Variants in AGAP1 observed in about 807,000 individuals in gnomAD.
The protein encoded by AGAP1 is ArfGAP with GTPase domain, ankyrin repeat and PH domain 1.
A neutral mutation model predicts 105.3 loss-of-function variants in AGAP1; 29 were observed. The ratio of observed to expected loss-of-function variants is 0.28; its 90% CI spans 0.21 to 0.38. The LOEUF is 0.38. Among genes scored for constraint, AGAP1 ranks in the 10% least tolerant of loss-of-function variants. The probability of loss-of-function intolerance (pLI) is 1.00; values close to 1 mark genes in which losing one functional copy is unlikely to be tolerated. For synonymous variants in AGAP1, 509 were observed against 485.9 expected, an observed-to-expected ratio of 1.05 and a Z score of -0.63; for missense variants, 998 against 1,165.1, an observed-to-expected ratio of 0.86 and a Z score of 2.09.
intron 1 of AGAP1, among the ~76,000 whole-genome samples, chr2:235,585,359 G>C (rs983061986): frequency 6.6e-6 from 1 of 152,128 alleles, no homozygotes; most frequent in African/African-American, 2.4e-5. Flanking sequence ...TGCGTGGCCT[G>C]CTCTGACCCT....
rs1265847688 is a variant in AGAP1 at position 235,967,546 on chromosome 2, ACAGT to A, written c.1484-911_1484-908del. Among the ~76,000 whole-genome samples, 2 of 152,228 alleles carry A rather than the reference ACAGT, an allele frequency of 1.3e-5. No individual in the cohort carries two copies. Among genetic ancestry groups the A allele is most frequent in the Non-Finnish European group, 2.9e-5 (2 of 68,040 alleles). The stretch of plus-strand genomic sequence containing the variant: ...AAGCATCTTGAAAAGCCGCTGGCTC[ACAGT>A]CAGTGCTCAAAAAATACCAGCTGAA... On this transcript the variant is annotated intron_variant, in intron 12 of 17. Coordinates refer to ENST00000304032, the MANE Select transcript of AGAP1 (RefSeq NM_001037131.3). The surrounding 1 kb of genome is among the most constrained non-coding windows in gnomAD (Gnocchi z 4.7).
Position 235,601,977 on chromosome 2 carries a change from C to G in AGAP1, c.163+107128C>G, listed in dbSNP as rs1487611114. Among the ~76,000 whole-genome samples the G allele has an allele frequency of 6.6e-6, 1 of 152,104 alleles. No homozygotes were observed. Among genetic ancestry groups the G allele is most frequent in the Non-Finnish European group, 1.5e-5 (1 of 68,018 alleles). ...AGACTCCAGGGTGACCCCTAAAACC[C>G]AAGTCCAATCACATTACTCCTGGGC... On this transcript the variant is annotated intron_variant, in intron 1 of 17. Transcript: ENST00000304032. This position sits in a 1 kb window ranked among gnomAD's most constrained non-coding sequence, Gnocchi z 4.4.
At position 235,964,037 on chromosome 2, in the gene AGAP1, G is replaced by A. The variant is rs536948680; in HGVS notation, c.1484-4425G>A. ...CATTGCACAAGTCACCACAGGGGAG[G>A]CGAGCACTGGTGGTTGCCCTGGGCA... On this transcript the variant is annotated intron_variant, in intron 12 of 17. Transcript: ENST00000304032. The surrounding 1 kb of genome is among the most constrained non-coding windows in gnomAD (Gnocchi z 4.6). Among the ~76,000 whole-genome samples, 17 of 152,302 alleles carry A rather than the reference G, an allele frequency of 1.1e-4. No homozygotes were observed. The South Asian group carries it at 3.5e-3, about 32-fold the overall frequency.
rs954499878 is a variant in AGAP1, at chr2:236,101,614, G to A, written c.2115-18578G>A. ...CAGCGAGGGCTTACATCCACTTTAC[G>A]GGATCCGGAGCGGAGGAAAAGGGCC... is the stretch of plus-strand genomic sequence containing the variant. On this transcript the variant is annotated intron_variant, in intron 16 of 17. Transcript: ENST00000304032. This position sits in a 1 kb window ranked among gnomAD's most constrained non-coding sequence, Gnocchi z 4.9. Among the ~76,000 whole-genome samples the A allele has an allele frequency of 6.6e-5, 10 of 152,272 alleles. No individual in the cohort carries two copies. The highest frequency in any genetic ancestry group is 5.9e-4 in the Admixed American group (9 of 15,302).
intron 1 of AGAP1, among the ~76,000 whole-genome samples, chr2:235,547,540 G>C (rs532995643): frequency 6.6e-6 from 1 of 152,110 alleles, no homozygotes; most frequent in African/African-American, 2.4e-5. Flanking sequence ...TGTATTTTTA[G>C]TAAAGATGGG....
At chr2:236,013,563 C>T (rs984649985) in intron 13 of AGAP1, among the ~76,000 whole-genome samples, 6 of 144,430 alleles carry the variant, frequency 4.2e-5, no homozygotes, top group Non-Finnish European at 7.5e-5. Context: ...GGGCTTAAGA[C>T]CTGCCTCTGG....
In AGAP1 at chr2:235,752,716, G is replaced by A. The variant is rs1015140639; in HGVS notation, c.673+2228G>A. On this transcript the variant is annotated intron_variant, in intron 6 of 17. Coordinates refer to ENST00000304032, the MANE Select transcript of AGAP1 (RefSeq NM_001037131.3). The surrounding 1 kb of genome is among the most constrained non-coding windows in gnomAD (Gnocchi z 4.3). ...ACTCCTTTGCTTTTGTATTTATCAC[G>A]GTTAACATACATGAGTTTTCCATAA... is the stretch of plus-strand genomic sequence containing the variant. 1.3e-5 allele frequency among the ~76,000 whole-genome samples: 2 copies of A among 152,160 alleles called. No homozygotes were observed. The highest frequency in any genetic ancestry group is 6.5e-5 in the Admixed American group (1 of 15,276).
rs1035724391 is a variant in AGAP1, at chr2:236,105,226, A to T, written c.2115-14966A>T. Among the ~76,000 whole-genome samples, 1 of 152,162 alleles carries T rather than the reference A, an allele frequency of 6.6e-6. No individual in the cohort carries two copies. Among genetic ancestry groups the T allele is most frequent in the African/African-American group, 2.4e-5 (1 of 41,444 alleles). On this transcript the variant is annotated intron_variant, in intron 16 of 17. Transcript: ENST00000304032. This position sits in a 1 kb window ranked among gnomAD's most constrained non-coding sequence, Gnocchi z 4.2. ...CAAAGTGGTGAATTGGTCTGAATGG[A>T]AAAATCCAAAACATCCCACTTTAAG...
At chr2:235,772,706 C>CA (rs1218037234) in intron 6 of AGAP1, among the ~76,000 whole-genome samples, 1 of 152,230 alleles carries the variant, frequency 6.6e-6, no homozygotes, top group Non-Finnish European at 1.5e-5. Flanking sequence ...GAACACAAGG[C>CA]AGAGAGTTCA....
rs1024654922 is a variant in AGAP1 at position 235,747,591 on chromosome 2, G to A, written c.538+2752G>A. ...AATCAGGGCTGTATTCCTCACCTGC[G>A]GGATTCTCTTGGTCCTTCCCTAGAC... On this transcript the variant is annotated intron_variant, in intron 5 of 17. Transcript: ENST00000304032. The surrounding 1 kb of genome is among the most constrained non-coding windows in gnomAD (Gnocchi z 5.0). Among the ~76,000 whole-genome samples, 5 of 152,208 alleles carry A rather than the reference G, an allele frequency of 3.3e-5. No individual in the cohort carries two copies. Among genetic ancestry groups the A allele is most frequent in the Non-Finnish European group, 5.9e-5 (4 of 68,050 alleles).
intron 8 of AGAP1, among the ~76,000 whole-genome samples, chr2:235,804,020 C>T (rs529155201): frequency 2.0e-5 from 3 of 152,282 alleles, no homozygotes; most frequent in Admixed American, 1.3e-4. Flanking sequence ...GAAATAAACA[C>T]GTGTGTACTC....
chr2:235,830,420 C>T lies in AGAP1; in HGVS notation c.1050+23089C>T, dbSNP rs971227814. ...TCAAGGCCAGTGAATTTTCTGATTG[C>T]AGGCACTTCAAAGCCGTCAGTTCCA... On this transcript the variant is annotated intron_variant, in intron 9 of 17. Transcript: ENST00000304032. The surrounding 1 kb of genome is among the most constrained non-coding windows in gnomAD (Gnocchi z 5.5). Among the ~76,000 whole-genome samples the T allele has an allele frequency of 2.6e-5, 4 of 152,228 alleles. No homozygotes were observed. Among genetic ancestry groups the T allele is most frequent in the African/African-American group, 7.2e-5 (3 of 41,446 alleles).
At chr2:235,533,767 T>C (rs1307366732) in intron 1 of AGAP1, among the ~76,000 whole-genome samples, 1 of 152,236 alleles carries the variant, frequency 6.6e-6, no homozygotes. Flanking sequence ...TGTCGCCTGG[T>C]TTCACCCCTC....
At chr2:235,968,736 G>A in intron 13 of AGAP1, 113 bp downstream of exon 13, 2 of 1,104,696 alleles carry the variant, frequency 1.8e-6, no homozygotes, top group Non-Finnish European at 2.6e-6. Context: ...AGTAATGCTG[G>A]TCACCGTATG....
intron 1 of AGAP1, among the ~76,000 whole-genome samples, chr2:235,583,983 G>A (rs116305100): frequency 0.02 from 3,071 of 151,220 alleles, 107 homozygotes; most frequent in African/African-American, 0.07. Flanking sequence ...TGGGATTATG[G>A]GCATGAGCCA....
In AGAP1 at chr2:236,055,476, A is replaced by G. The variant is rs1301603835; in HGVS notation, c.2114+6195A>G. On this transcript the variant is annotated intron_variant, in intron 16 of 17. Coordinates refer to ENST00000304032, the MANE Select transcript of AGAP1 (RefSeq NM_001037131.3). The surrounding 1 kb of genome is among the most constrained non-coding windows in gnomAD (Gnocchi z 6.2). ...GTGGTTTTTCTATTTGACAGGCTTA[A>G]TTAATTGGCAGGAGCCCCCGAAAAT... 6.6e-6 allele frequency among the ~76,000 whole-genome samples: 1 copy of G among 152,224 alleles called. No individual in the cohort carries two copies. Among genetic ancestry groups the G allele is most frequent in the East Asian group, 1.9e-4 (1 of 5,202 alleles).
At position 235,931,857 on chromosome 2, in the gene AGAP1, G is replaced by C. The variant is rs935847957; in HGVS notation, c.1483+934G>C. Among the ~76,000 whole-genome samples the C allele has an allele frequency of 4.6e-5, 7 of 152,180 alleles. No homozygotes were observed. The East Asian group carries it at 1.4e-3, about 30-fold the overall frequency. ...CGGGAGACGCGGAGTCAGCGAGGTA[G>C]CTCCACACCATAGCGGTGCGGGTCT... On this transcript the variant is annotated intron_variant, in intron 12 of 17. Coordinates refer to ENST00000304032, the MANE Select transcript of AGAP1 (RefSeq NM_001037131.3). The surrounding 1 kb of genome is among the most constrained non-coding windows in gnomAD (Gnocchi z 5.6).
intron 1 of AGAP1, chr2:235,669,634 G>GCCCGCCACCCGCCGCCCGCCGCCCGCCA (rs1948261877): frequency 6.8e-6 from 1 of 147,986 alleles, no homozygotes; most frequent in Non-Finnish European, 1.5e-5. Context: ...GCCGCCCGCC[G>GCCCGCCACCCGCCGCCCGCCGCCCGCCA]CCCGCCACCC....
At chr2:235,831,155 T>C (rs1383583342) in intron 9 of AGAP1, among the ~76,000 whole-genome samples, 1 of 150,268 alleles carries the variant, frequency 6.7e-6, no homozygotes, top group Non-Finnish European at 1.5e-5. Context: ...TTTAACTAGA[T>C]TGGTCCAGAG....
Sources: gnomAD v4.1 joint callset for allele counts (sites outside exome capture counted in the v4.1 genomes callset) on GRCh38, gnomAD v4.1.1 for gene constraint, Gnocchi (gnomAD v3.1) non-coding constraint, MANE v1.5 for transcripts, NCBI Gene and HGNC (gene_info 2026-07-23, HGNC 2026-07-21) for gene names.